The following PLXNA4 variants were observed in gnomAD, a reference collection of about 807,000 sequenced individuals.
PLXNA4 encodes the protein plexin A4, also known as plexin-A4.
In PLXNA4, 44 loss-of-function variants were observed where a neutral mutation model predicts 191.8. That is an observed-to-expected ratio of 0.23 (90% CI 0.18 to 0.29). The LOEUF (loss-of-function observed/expected upper bound fraction) is 0.29. Among genes scored for constraint, PLXNA4 ranks in the 10% least tolerant of loss-of-function variants. PLXNA4 has a pLI of 1.00. For missense variants in PLXNA4, 1,800 were observed against 2,488.8 expected, an observed-to-expected ratio of 0.72 and a Z score of 5.89; for synonymous variants, 1,082 against 1,009.5, an observed-to-expected ratio of 1.07 and a Z score of -1.36.
intron 2 of PLXNA4, among the ~76,000 whole-genome samples, chr7:132,613,387 T>A (rs1272230625): frequency 6.6e-6 from 1 of 152,184 alleles, no homozygotes; most frequent in Non-Finnish European, 1.5e-5. Flanking sequence ...ATCCTCCATA[T>A]CACAGTTCAT....
chr7:132,293,713 G>A (rs1483709989), intron 4 of PLXNA4, among the ~76,000 whole-genome samples: 3 of 152,172 alleles, frequency 2.0e-5, no homozygotes, highest in Non-Finnish European at 4.4e-5. Flanking sequence ...TTTTTACACA[G>A]TGATCCCTGT....
chr7:132,519,345 T>A lies in PLXNA4; in HGVS notation c.-86-10566A>T, dbSNP rs1430176656. On this transcript the variant is annotated intron_variant, in intron 1 of 31. Coordinates refer to ENST00000321063, the MANE Select transcript of PLXNA4 (RefSeq NM_020911.2). ...CTCCTGGTCTTCAAAGGGGACCCAA[T>A]GGCCTCTGAGTGCACAGAAATGGGG... Among the ~76,000 whole-genome samples the A allele has an allele frequency of 1.6e-4, 25 of 152,164 alleles. 2 individuals carry two copies. The highest frequency in any genetic ancestry group is 1.6e-3 in the Admixed American group (25 of 15,276).
intron 4 of PLXNA4, among the ~76,000 whole-genome samples, chr7:132,254,470 G>C (rs1156626940): frequency 6.6e-6 from 1 of 152,168 alleles, no homozygotes; most frequent in Non-Finnish European, 1.5e-5. Context: ...TCCTGGCTCA[G>C]CCACTTATCA....
intron 3 of PLXNA4, among the ~76,000 whole-genome samples, chr7:132,487,330 C>T (rs573537636): frequency 3.3e-5 from 5 of 152,270 alleles, no homozygotes; most frequent in African/African-American, 4.8e-5. Context: ...TGAGATTGAG[C>T]TCACCGGAGA....
chr7:132,493,195 C>A (rs903726271), intron 2 of PLXNA4, among the ~76,000 whole-genome samples: 7 of 152,180 alleles, frequency 4.6e-5, no homozygotes, highest in African/African-American at 1.7e-4. Context: ...CCAGCCCTGG[C>A]TGAGCCTTCC....
chr7:132,548,226 G>C (rs1800393538), intron 1 of PLXNA4, among the ~76,000 whole-genome samples: 1 of 152,178 alleles, frequency 6.6e-6, no homozygotes, highest in Non-Finnish European at 1.5e-5. Flanking sequence ...TGTCATAGTA[G>C]AAAGTGGAGT....
rs560977716 is a variant in PLXNA4, at chr7:132,420,954, C to T, written c.1371+68338G>A. On this transcript the variant is annotated intron_variant, in intron 3 of 31. Coordinates refer to ENST00000321063, the MANE Select transcript of PLXNA4 (RefSeq NM_020911.2). ...CATGTGGAACTGTAAGTCCAATAAA[C>T]CTCTTTCTTTTGTAAATTGCCCAGT... is the stretch of plus-strand genomic sequence containing the variant. 3.1e-3 allele frequency among the ~76,000 whole-genome samples: 470 copies of T among 152,328 alleles called. 2 individuals are homozygous for T. Among genetic ancestry groups the T allele is most frequent in the African/African-American group, 0.011 (443 of 41,568 alleles).
Position 132,484,622 on chromosome 7 carries a change from G to A in PLXNA4, c.1371+4670C>T. On this transcript the variant is annotated intron_variant, in intron 3 of 31. Transcript: ENST00000321063. ...GCAGCTTGGGCTGGAGAAACATATA[G>A]CACAACAGAACTACCTGACCGAACC... 6 of 935,166 alleles carry A rather than the reference G, an allele frequency of 6.4e-6. 1 individual carries two copies. The highest frequency in any genetic ancestry group is 3.5e-4 in the Middle Eastern group (1 of 2,896). 57.9% of individuals were successfully genotyped at this position (935,166 alleles called of 1,614,324 possible).
chr7:132,247,759 C>A (rs1348154722), intron 4 of PLXNA4, among the ~76,000 whole-genome samples: 2 of 152,342 alleles, frequency 1.3e-5, no homozygotes, highest in East Asian at 3.9e-4. Flanking sequence ...AAGGCCCTCA[C>A]TGCCAGGGCT....
intron 3 of PLXNA4, among the ~76,000 whole-genome samples, chr7:132,319,584 C>T (rs928075875): frequency 6.6e-6 from 1 of 151,638 alleles, no homozygotes; most frequent in Non-Finnish European, 1.5e-5. Flanking sequence ...TTCCTACTCT[C>T]CAAACACATT....
chr7:132,263,492 G>A (rs1278236053), intron 4 of PLXNA4, among the ~76,000 whole-genome samples: 2 of 152,188 alleles, frequency 1.3e-5, no homozygotes, highest in East Asian at 3.9e-4. Context: ...GTAAAATAGG[G>A]GTAAGAAACC....
chr7:132,413,525 A>T (rs1297190094), intron 3 of PLXNA4, among the ~76,000 whole-genome samples: 1 of 152,188 alleles, frequency 6.6e-6, no homozygotes, highest in Admixed American at 6.5e-5. Context: ...CTAAAGCACC[A>T]ACCCCAACAG....
chr7:132,315,307 A>C (rs1018687768), intron 3 of PLXNA4, among the ~76,000 whole-genome samples: 2 of 152,236 alleles, frequency 1.3e-5, no homozygotes, highest in Non-Finnish European at 2.9e-5. Context: ...CATTTCAAAT[A>C]AGATTTGGCT....
intron 1 of PLXNA4, among the ~76,000 whole-genome samples, chr7:132,574,165 G>T (rs1563182980): frequency 6.6e-6 from 1 of 152,214 alleles, no homozygotes; most frequent in African/African-American, 2.4e-5. Context: ...TACTAGCTTT[G>T]CATTAAAATG....
chr7:132,640,316 C>T (rs1803714689), intron 2 of PLXNA4, among the ~76,000 whole-genome samples: 1 of 152,168 alleles, frequency 6.6e-6, no homozygotes, highest in African/African-American at 2.4e-5. Flanking sequence ...GTAGGAGAAA[C>T]TTACACTAAA....
intron 2 of PLXNA4, among the ~76,000 whole-genome samples, chr7:132,628,059 C>G (rs1455346508): frequency 2.0e-5 from 3 of 152,134 alleles, no homozygotes; most frequent in Admixed American, 6.5e-5. Context: ...TAGACAGAAG[C>G]CTTCTAATCC....
rs571670042 is a variant in PLXNA4, at chr7:132,534,432, C to A, written c.-86-25653G>T. ...TGAGAGACCTGAGGTTCCTTCCACC[C>A]CAGCCCTCCCTACCCTGGCGTCCAC... is the stretch of plus-strand genomic sequence containing the variant. On this transcript the variant is annotated intron_variant, in intron 1 of 31. Transcript: ENST00000321063. Among the ~76,000 whole-genome samples the A allele has an allele frequency of 4.6e-5, 7 of 152,298 alleles. No individual in the cohort carries two copies. In the South Asian group the frequency reaches 1.5e-3, roughly 32 times the overall value.
chr7:132,308,924 G>A (rs1361712037), intron 3 of PLXNA4, among the ~76,000 whole-genome samples: 1 of 152,020 alleles, frequency 6.6e-6, no homozygotes, highest in Non-Finnish European at 1.5e-5. Context: ...TAGATAAAGA[G>A]GCTAGAAGAT....
At chr7:132,265,196 G>A (rs1439775829) in intron 4 of PLXNA4, among the ~76,000 whole-genome samples, 2 of 152,208 alleles carry the variant, frequency 1.3e-5, no homozygotes, top group African/African-American at 4.8e-5. Context: ...AACTCTGGGT[G>A]TTGAGTTTGA....
Sources: gnomAD v4.1 joint callset for allele counts (sites outside exome capture counted in the v4.1 genomes callset) on GRCh38, gnomAD v4.1.1 for gene constraint, MANE v1.5 for transcripts, NCBI Gene and HGNC (gene_info 2026-07-23, HGNC 2026-07-21) for gene names.